RYR2: variants seen among roughly 807,000 people sequenced by gnomAD.
RYR2 encodes ryanodine receptor 2, also known as cardiac muscle ryanodine receptor-calcium release channel.
Under a neutral mutation model 601.1 loss-of-function variants are expected in RYR2, and 227 were observed. The ratio of observed to expected loss-of-function variants is 0.38; its 90% CI spans 0.34 to 0.42. RYR2 has a LOEUF of 0.42. Ranked by LOEUF, RYR2 falls within the 10% of genes least tolerant of loss-of-function variation. The pLI, the probability that RYR2 is intolerant of heterozygous loss-of-function variation, is 1.00. For synonymous variants in RYR2, 2,223 were observed against 2,175.1 expected, an observed-to-expected ratio of 1.02 and a Z score of -0.61; for missense variants, 4,646 against 6,156.5, an observed-to-expected ratio of 0.75 and a Z score of 8.21.
At chr1:237,580,410 G>A (rs532873975) in intron 29 of RYR2, among the ~76,000 whole-genome samples, 7 of 151,366 alleles carry the variant, frequency 4.6e-5, no homozygotes, top group African/African-American at 1.5e-4. Flanking sequence ...GCCTGCCTCA[G>A]CCTCCAAAGG....
At chr1:237,462,772 A>G (rs945862118) in intron 16 of RYR2, among the ~76,000 whole-genome samples, 4 of 152,198 alleles carry the variant, frequency 2.6e-5, no homozygotes, top group African/African-American at 9.6e-5. Context: ...CAAGAGGTGA[A>G]GAAGAAGGAA....
chr1:237,803,598 T>A (rs892449303), intron 98 of RYR2, among the ~76,000 whole-genome samples: 2 of 152,102 alleles, frequency 1.3e-5, no homozygotes, highest in Non-Finnish European at 2.9e-5. Flanking sequence ...CCACGCCCAG[T>A]CTTGCATTTC....
chr1:237,668,749 G>T (rs1248613131), intron 58 of RYR2, among the ~76,000 whole-genome samples: 2 of 152,224 alleles, frequency 1.3e-5, no homozygotes, highest in African/African-American at 4.8e-5. Flanking sequence ...TGAAAGTGGG[G>T]ATATTTCATG....
chr1:237,119,213 C>T lies in RYR2; in HGVS notation c.48+76644C>T, dbSNP rs150039249. On this transcript the variant is annotated intron_variant, in intron 1 of 104. Coordinates refer to ENST00000366574, the MANE Select transcript of RYR2 (RefSeq NM_001035.3). ...GGAGGGTGTGTGCACAGAGGCAAGG[C>T]TGTATGAGGACACGGGGAGTAGACA... Among the ~76,000 whole-genome samples, 5 of 152,268 alleles carry T rather than the reference C, an allele frequency of 3.3e-5. No homozygotes were observed. In the East Asian group the frequency reaches 9.7e-4, roughly 29 times the overall value.
intron 2 of RYR2, among the ~76,000 whole-genome samples, chr1:237,305,046 TTCAC>T (rs1693736472): frequency 6.6e-6 from 1 of 152,208 alleles, no homozygotes; most frequent in South Asian, 2.1e-4. Context: ...AGGAGGAACT[TTCAC>T]TCACTCCTGA....
chr1:237,546,983 A>G (rs1258799354), intron 25 of RYR2, among the ~76,000 whole-genome samples: 5 of 82,836 alleles, frequency 6.0e-5, no homozygotes, highest in Non-Finnish European at 1.0e-4. Flanking sequence ...AAGCATATAT[A>G]TATATATATA....
At chr1:237,541,935 T>C (rs1669317497) in intron 25 of RYR2, among the ~76,000 whole-genome samples, 1 of 152,156 alleles carries the variant, frequency 6.6e-6, no homozygotes, top group Non-Finnish European at 1.5e-5. Context: ...TTCACTTCTT[T>C]TGTGATTCTT....
In RYR2 at chr1:237,407,869, G is replaced by T. The variant is rs138025327; in HGVS notation, c.774-9180G>T. Reference sequence around the variant, plus strand: ...CTGACCTCGTGATCCACCTGCCTCGGCCTCCCAAAGTGCTGGGATTACAGG... The same window carrying T: ...CTGACCTCGTGATCCACCTGCCTCGTCCTCCCAAAGTGCTGGGATTACAGG... On this transcript the variant is annotated intron_variant, in intron 10 of 104. Coordinates refer to ENST00000366574, the MANE Select transcript of RYR2 (RefSeq NM_001035.3). Among the ~76,000 whole-genome samples, 20 of 152,120 alleles carry T rather than the reference G, an allele frequency of 1.3e-4. No individual in the cohort carries two copies. The East Asian group carries it at 3.7e-3, about 28-fold the overall frequency.
At chr1:237,820,016 G>C (rs1662275238) in intron 101 of RYR2, among the ~76,000 whole-genome samples, 1 of 151,908 alleles carries the variant, frequency 6.6e-6, no homozygotes, top group Non-Finnish European at 1.5e-5. Context: ...GTGAAACCTT[G>C]TCTCTACTAA....
intron 92 of RYR2, among the ~76,000 whole-genome samples, chr1:237,789,118 C>T (rs1185484895): frequency 6.6e-6 from 1 of 151,698 alleles, no homozygotes; most frequent in African/African-American, 2.4e-5. Context: ...TAGAATCCAC[C>T]TACAAGAGGT....
chr1:237,393,985 C>T (rs752959175), intron 10 of RYR2, among the ~76,000 whole-genome samples: 3 of 152,118 alleles, frequency 2.0e-5, no homozygotes, highest in Admixed American at 1.3e-4. Context: ...AACAATGAGA[C>T]ATTTGATGCA....
At chr1:237,061,255 TCTATCTATCTATCC>T (rs1420769146) in intron 1 of RYR2, among the ~76,000 whole-genome samples, 26 of 131,880 alleles carry the variant, frequency 2.0e-4, no homozygotes, top group South Asian at 1.0e-3. Flanking sequence ...CTATCTATCA[TCTATCTATCTATCC>T]ATCTATCATC....
intron 60 of RYR2, among the ~76,000 whole-genome samples, chr1:237,676,241 G>A (rs1685386147): frequency 6.6e-6 from 1 of 152,108 alleles, no homozygotes; most frequent in Admixed American, 6.5e-5. Flanking sequence ...AAAGTCATTT[G>A]TTTTTTACTT....
chr1:237,757,675 A>C, intron 81 of RYR2, 22 bp from the exon 82 acceptor site: 6 of 1,499,334 alleles, frequency 4.0e-6, no homozygotes, highest in Non-Finnish European at 5.6e-6. Context: ...TATAAGGAAC[A>C]CTACTTTTTT....
At chr1:237,398,664 T>C (rs906817617) in intron 10 of RYR2, among the ~76,000 whole-genome samples, 1 of 152,238 alleles carries the variant, frequency 6.6e-6, no homozygotes, top group Non-Finnish European at 1.5e-5. Flanking sequence ...GTACAGCCAC[T>C]CTGGAAAACA....
At chr1:237,108,057 T>C (rs567093239) in intron 1 of RYR2, among the ~76,000 whole-genome samples, 2 of 152,326 alleles carry the variant, frequency 1.3e-5, no homozygotes, top group African/African-American at 4.8e-5. Context: ...GCTGGAAACC[T>C]CTGTGGAAGC....
At chr1:237,287,872 A>C (rs1473604076) in intron 2 of RYR2, among the ~76,000 whole-genome samples, 1 of 151,944 alleles carries the variant, frequency 6.6e-6, no homozygotes, top group African/African-American at 2.4e-5. Context: ...ATTTTTGTGG[A>C]GTGGTGAAGA....
chr1:237,643,307 T>G lies in RYR2; in HGVS notation c.7222-20T>G, dbSNP rs1172503598. The G allele has an allele frequency of 2.5e-6, 4 of 1,590,478 alleles. No homozygotes were observed. Among genetic ancestry groups the G allele is most frequent in the East Asian group, 2.3e-5 (1 of 44,346 alleles). On this transcript the variant is annotated intron_variant, in intron 47 of 104. Coordinates refer to ENST00000366574, the MANE Select transcript of RYR2 (RefSeq NM_001035.3). ...TTGATGTCACAAAGTTGTTCTAATG[T>G]TTTTTTTTCCCCTGTATAGTTGATT...
chr1:237,564,060 A>G (rs1241134939), intron 27 of RYR2, among the ~76,000 whole-genome samples: 1 of 152,142 alleles, frequency 6.6e-6, no homozygotes, highest in African/African-American at 2.4e-5. Context: ...AAGGATAACT[A>G]CCTGATCATT....
Sources: gnomAD v4.1 joint callset for allele counts (sites outside exome capture counted in the v4.1 genomes callset) on GRCh38, gnomAD v4.1.1 for gene constraint, MANE v1.5 for transcripts, NCBI Gene and HGNC (gene_info 2026-07-23, HGNC 2026-07-21) for gene names.